Variants in LYRM1 observed in about 807,000 individuals in gnomAD.
LYRM1 encodes LYR motif-containing protein 1.
Under a neutral mutation model 14.9 loss-of-function variants are expected in LYRM1, and 14 were observed. The ratio of observed to expected loss-of-function variants is 0.94; its 90% CI spans 0.62 to 1.47. The LOEUF (loss-of-function observed/expected upper bound fraction) is 1.47. Ranked by LOEUF, LYRM1 falls within the 40% of genes most tolerant of loss-of-function variation. LYRM1 has a pLI of 0.00. For missense variants in LYRM1, 153 were observed against 149.9 expected, an observed-to-expected ratio of 1.02 and a Z score of -0.11; for synonymous variants, 43 against 56.2, an observed-to-expected ratio of 0.77 and a Z score of 1.05.
intron 3 of LYRM1, among the ~76,000 whole-genome samples, chr16:20,921,085 TTTTA>T (rs1415442454): frequency 6.6e-6 from 1 of 151,752 alleles, no homozygotes; most frequent in African/African-American, 2.4e-5. Flanking sequence ...TTAAAAGAAG[TTTTA>T]TTTATTTATT....
intron 1 of LYRM1, among the ~76,000 whole-genome samples, chr16:20,910,538 G>A (rs566942557): frequency 1.3e-5 from 2 of 152,192 alleles, no homozygotes; most frequent in African/African-American, 2.4e-5. Flanking sequence ...ATCAGATTAT[G>A]GTATATGATC....
At chr16:20,904,350 T>C (rs1157950049) in intron 1 of LYRM1, among the ~76,000 whole-genome samples, 1 of 152,210 alleles carries the variant, frequency 6.6e-6, no homozygotes, top group African/African-American at 2.4e-5. Context: ...GTGATCTTGT[T>C]TGGGATAGAC....
At chr16:20,922,321 A>G (rs921104147) in intron 3 of LYRM1, among the ~76,000 whole-genome samples, 12 of 152,090 alleles carry the variant, frequency 7.9e-5, no homozygotes, top group East Asian at 5.8e-4. Flanking sequence ...ATTGTATGCT[A>G]TTGTAAGAAT....
rs762301943 is a variant in LYRM1, at chr16:20,924,147, G to A, written c.*31G>A. The A allele has an allele frequency of 3.3e-6, 4 of 1,217,728 alleles. No individual in the cohort carries two copies. Among genetic ancestry groups the A allele is most frequent in the Non-Finnish European group, 3.6e-6 (3 of 833,938 alleles). The allele number at this position is 1,217,728 out of a possible 1,614,324, so 75.4% of individuals were successfully genotyped here. On this transcript the variant is annotated 3_prime_UTR_variant, in exon 4 of 4. Transcript: ENST00000567954. Reference sequence around the variant, plus strand: ...AGGAAAGTTTATTTCTGCAAATGATGAGCCAACTAGTTATTGAATGTAAAC... The same window carrying A: ...AGGAAAGTTTATTTCTGCAAATGATAAGCCAACTAGTTATTGAATGTAAAC...
intron 3 of LYRM1, among the ~76,000 whole-genome samples, chr16:20,923,056 T>C (rs2152559306): frequency 6.6e-6 from 1 of 152,258 alleles, no homozygotes; most frequent in South Asian, 2.1e-4. Context: ...CCTCCATGGA[T>C]TGGATGATGC....
rs546486823 is a variant in LYRM1 at position 20,923,995 on chromosome 16, T to C, written c.253-5T>C. 148 of 1,506,982 alleles carry C rather than the reference T, an allele frequency of 9.8e-5. 1 individual carries two copies. In the South Asian group the frequency reaches 1.6e-3, roughly 16 times the overall value. 93.4% of individuals were successfully genotyped at this position (1,506,982 alleles called of 1,614,324 possible). A position where few individuals can be genotyped will look rare whatever the true frequency, so the allele number is the denominator to read the frequency against. On this transcript the variant is annotated splice_polypyrimidine_tract_variant and splice_region_variant and intron_variant, in intron 3 of 3. Coordinates refer to ENST00000567954, the MANE Select transcript of LYRM1 (RefSeq NM_001128302.3). The stretch of plus-strand genomic sequence containing the variant: ...ATGATTCTTCATATTATTGTTCTTA[T>C]TCAGATTCATCTGCCTCCAATGGGC...
In LYRM1 at chr16:20,915,561, A is replaced by C. The variant is rs2082844293; in HGVS notation, c.6A>C (p.Thr2=). M[T]TATRQEVLGL... is the part of the protein sequence containing the mutation. ...CTATTTTGGTGGGTCTGAAGATGACAACGGCAACACGACAAGAAGTCCTTG... is the reference window on the plus strand; with the variant it reads ...CTATTTTGGTGGGTCTGAAGATGACCACGGCAACACGACAAGAAGTCCTTG... The change falls in exon 2 of 4, where the codon ACA becomes ACC. Residue 2 remains threonine, a synonymous_variant. Coordinates refer to ENST00000567954, the MANE Select transcript of LYRM1 (RefSeq NM_001128302.3). 1.2e-6 allele frequency: 2 copies of C among 1,613,918 alleles called. No homozygotes were observed. The highest frequency in any genetic ancestry group is 1.7e-6 in the Non-Finnish European group (2 of 1,179,988).
intron 1 of LYRM1, among the ~76,000 whole-genome samples, chr16:20,912,780 A>G (rs1467975005): frequency 6.6e-6 from 1 of 151,152 alleles, no homozygotes; most frequent in Non-Finnish European, 1.5e-5. Context: ...TAAACTTGCA[A>G]AGCAGGCGGG....
intron 1 of LYRM1, among the ~76,000 whole-genome samples, chr16:20,903,258 C>T (rs942372100): frequency 7.9e-5 from 12 of 152,208 alleles, no homozygotes; most frequent in African/African-American, 2.4e-4. Flanking sequence ...TCTGACAACA[C>T]CAGCCTGAAG....
intron 3 of LYRM1, among the ~76,000 whole-genome samples, chr16:20,922,734 C>T (rs759245269): frequency 6.6e-6 from 1 of 152,150 alleles, no homozygotes; most frequent in Non-Finnish European, 1.5e-5. Flanking sequence ...GTGATCCGCC[C>T]ACCTCAGCTT....
At chr16:20,905,643 C>T (rs2082282051) in intron 1 of LYRM1, among the ~76,000 whole-genome samples, 1 of 152,208 alleles carries the variant, frequency 6.6e-6, no homozygotes, top group African/African-American at 2.4e-5. Context: ...GTATCAGAAC[C>T]CCATTCTTCT....
rs1478712250 is a variant in LYRM1, at chr16:20,924,046, T to G, written c.299T>G (p.Leu100Arg). 1.9e-6 allele frequency: 3 copies of G among 1,613,748 alleles called. No individual in the cohort carries two copies. The South Asian group carries it at 3.3e-5, about 18-fold the overall frequency. Residue 100 changes from leucine to arginine, a missense_variant, in exon 4 of 4, where the codon CTT (leucine) becomes CGT (arginine). By Grantham distance (102) the Leu-to-Arg change is moderately radical. Coordinates refer to ENST00000567954, the MANE Select transcript of LYRM1 (RefSeq NM_001128302.3). ...MGLTPLRGRG[L>R]RSQEKLRKLS... ...CTTACCCCACTCCGAGGCCGGGGAC[T>G]TCGAAGCCAAGAGAAACTGAGGAAA...
rs1470978012 is a variant in LYRM1 at position 20,901,169 on chromosome 16, C to G, written c.-1+280C>G. On this transcript the variant is annotated intron_variant, in intron 1 of 3. Transcript: ENST00000567954. This position sits in a 1 kb window ranked among gnomAD's most constrained non-coding sequence, Gnocchi z 4.6. ...TCGGAGGCTGTGAATCTTTTGGACCCCCGAATGTAAATGGGAGATGGTAGG... is the reference window on the plus strand; with the variant it reads ...TCGGAGGCTGTGAATCTTTTGGACCGCCGAATGTAAATGGGAGATGGTAGG... 2 of 152,308 alleles carry G rather than the reference C, an allele frequency of 1.3e-5. No individual in the cohort carries two copies. The highest frequency in any genetic ancestry group is 2.4e-5 in the African/African-American group (1 of 41,434). The allele number at this position is 152,308 out of a possible 1,614,324, so 9.4% of individuals were successfully genotyped here.
intron 1 of LYRM1, among the ~76,000 whole-genome samples, chr16:20,912,256 G>T (rs12921863): frequency 0.65 from 96,521 of 149,216 alleles, 31,851 homozygotes; most frequent in Non-Finnish European, 0.74. Flanking sequence ...ATAAATTTTT[G>T]TTGGTATTTT....
intron 1 of LYRM1, among the ~76,000 whole-genome samples, chr16:20,909,233 A>G (rs896095491): frequency 6.6e-6 from 1 of 152,120 alleles, no homozygotes; most frequent in African/African-American, 2.4e-5. Flanking sequence ...ACCTCCACAC[A>G]TGTATATCCC....
In LYRM1 at chr16:20,924,039, CG is replaced by C; in HGVS notation, c.296del (p.Gly99AspfsTer8). On this transcript the variant is annotated frameshift_variant, in exon 4 of 4. Transcript: ENST00000567954. LOFTEE classifies it high-confidence loss of function. ...PPMGLTPLRG[R>X]GLRSQEKLRK... is the part of the protein sequence containing the mutation. The stretch of plus-strand genomic sequence containing the variant: ...AATGGGCCTTACCCCACTCCGAGGC[CG>C]GGGACTTCGAAGCCAAGAGAAACTG... 1 of 1,613,208 alleles carries C rather than the reference CG, an allele frequency of 6.2e-7. No homozygotes were observed. Among genetic ancestry groups the C allele is most frequent in the Non-Finnish European group, 8.5e-7 (1 of 1,179,320 alleles).
Position 20,900,838 on chromosome 16 carries a change from C to G in LYRM1, c.-52C>G, listed in dbSNP as rs1359781568. On this transcript the variant is annotated 5_prime_UTR_variant, in exon 1 of 4. Coordinates refer to ENST00000567954, the MANE Select transcript of LYRM1 (RefSeq NM_001128302.3). ...GCTCCTGGCGCCGCCTCCTCCCAGC[C>G]CGCCGCGGGCTGCGCGCTTCTGTGG... is the stretch of plus-strand genomic sequence containing the variant. 6.5e-6 allele frequency: 1 copy of G among 153,380 alleles called. No individual in the cohort carries two copies. The highest frequency in any genetic ancestry group is 2.4e-5 in the African/African-American group (1 of 41,440). The allele number at this position is 153,380 out of a possible 1,614,324, so 9.5% of individuals were successfully genotyped here. A position where few individuals can be genotyped will look rare whatever the true frequency, so the allele number is the denominator to read the frequency against.
chr16:20,923,675 G>A (rs1322918636), intron 3 of LYRM1, among the ~76,000 whole-genome samples: 2 of 152,014 alleles, frequency 1.3e-5, no homozygotes, highest in Non-Finnish European at 2.9e-5. Context: ...ATCCATGCTC[G>A]TTTTTTCTCC....
At chr16:20,902,252 T>C (rs1348563710) in intron 1 of LYRM1, among the ~76,000 whole-genome samples, 1 of 152,246 alleles carries the variant, frequency 6.6e-6, no homozygotes, top group African/African-American at 2.4e-5. Flanking sequence ...GTTAACTCCC[T>C]ACGGGAAAAC....
Sources: allele counts gnomAD v4.1 joint callset (sites outside exome capture counted in the v4.1 genomes callset), GRCh38; gene constraint gnomAD v4.1.1; non-coding constraint Gnocchi (gnomAD v3.1); transcripts MANE v1.5; gene names NCBI Gene and HGNC (gene_info 2026-07-23, HGNC 2026-07-21).